Variants in BTBD2 observed in about 807,000 individuals in gnomAD.
BTBD2 encodes BTB/POZ domain-containing protein 2.
BTBD2 carries 15 observed loss-of-function variants against 44.0 expected under a neutral mutation model. The observed-to-expected ratio is 0.34, with a 90% CI of 0.23 to 0.53. The LOEUF (loss-of-function observed/expected upper bound fraction) is 0.53. BTBD2 is among the 20% of genes least tolerant of loss of function. The probability of loss-of-function intolerance (pLI) is 0.95; values close to 1 mark genes in which losing one functional copy is unlikely to be tolerated. For missense variants in BTBD2, 657 were observed against 746.4 expected (o/e 0.88, Z 1.39); for synonymous variants, 443 against 335.9 (o/e 1.32, Z -3.49).
At chr19:1,997,292 G>A (rs912601773) in intron 2 of BTBD2, 52 bp downstream of exon 2, 20 of 1,611,114 alleles carry the variant, frequency 1.2e-5, no homozygotes, top group African/African-American at 4.0e-5. Context: ...CGTTCTCTGA[G>A]GTCCCCCTCC....
intron 4 of BTBD2, chr19:1,990,458 CAA>C (rs1259680983): frequency 1.6e-6 from 1 of 610,476 alleles, no homozygotes; most frequent in East Asian, 2.8e-5. Context: ...TGTTCAACAG[CAA>C]AGTCAAAGCC....
chr19:1,987,602 A>T lies in BTBD2; in HGVS notation c.1079T>A (p.Ile360Asn). The change falls in exon 6 of 9, where the codon ATT becomes AAT. Residue 360 changes from isoleucine (I) to asparagine (N), a missense_variant. Transcript: ENST00000255608. ...TVNPKPRVEF[I>N]DRPRCCLRGK... is the part of the protein sequence containing the mutation. ...ACGCAGGCAGCAGCGGGGCCGGTCA[A>T]TGAACTCCACTCGTGGCTTGGGGTT... The T allele has an allele frequency of 6.2e-7, 1 of 1,612,776 alleles. No homozygotes were observed. The highest frequency in any genetic ancestry group is 1.1e-5 in the South Asian group (1 of 90,990).
chr19:1,990,509 G>A, intron 4 of BTBD2: 1 of 616,162 alleles, frequency 1.6e-6, no homozygotes, highest in South Asian at 2.0e-5. Context: ...CATCAGCTGG[G>A]ATGGTGGGCT....
chr19:2,006,270 C>G (rs35180712), intron 1 of BTBD2, among the ~76,000 whole-genome samples: 30,586 of 152,040 alleles, frequency 0.2, 3,473 homozygotes, highest in East Asian at 0.3. Flanking sequence ...GGACAGCACA[C>G]ATCCAAACCA....
intron 3 of BTBD2, among the ~76,000 whole-genome samples, chr19:1,991,515 C>T (rs1404145006): frequency 6.6e-6 from 1 of 152,194 alleles, no homozygotes; most frequent in East Asian, 1.9e-4. Context: ...GAGCTCCAGC[C>T]TCCTCTCAGC....
intron 1 of BTBD2, among the ~76,000 whole-genome samples, chr19:2,001,558 G>A (rs954195775): frequency 2.0e-5 from 3 of 152,194 alleles, no homozygotes; most frequent in Non-Finnish European, 4.4e-5. Flanking sequence ...CAATGATTCC[G>A]TGATGTAATC....
chr19:2,008,834 G>T (rs1017472906), intron 1 of BTBD2, among the ~76,000 whole-genome samples: 6 of 151,540 alleles, frequency 4.0e-5, no homozygotes, highest in African/African-American at 1.2e-4. Flanking sequence ...GCCTCCCAAA[G>T]TGCTGGGATT....
rs564909994 is a variant in BTBD2 at position 1,997,531 on chromosome 19, C to T, written c.408-68G>A. The T allele has an allele frequency of 2.5e-4, 393 of 1,596,770 alleles. 3 individuals are homozygous for T. The African/African-American group carries it at 4.5e-3, about 18-fold the overall frequency. On this transcript the variant is annotated intron_variant, in intron 1 of 8. Coordinates refer to ENST00000255608, the MANE Select transcript of BTBD2 (RefSeq NM_017797.4). Reference sequence around the variant, plus strand: ...CACCCCACGGCCGGGAGGGCCAGCCCGGTATCCTGGGTGACCACCCCACTA... The same window carrying T: ...CACCCCACGGCCGGGAGGGCCAGCCTGGTATCCTGGGTGACCACCCCACTA...
At chr19:1,989,174 G>T (rs753853801) in intron 5 of BTBD2, among the ~76,000 whole-genome samples, 36 of 152,280 alleles carry the variant, frequency 2.4e-4, no homozygotes, top group South Asian at 1.2e-3. Context: ...TGGGAGGATG[G>T]CTGGAGCCCA....
intron 2 of BTBD2, 134 bp downstream of exon 2, chr19:1,997,210 C>A (rs1389042926): frequency 3.0e-6 from 4 of 1,347,452 alleles, no homozygotes. Context: ...CTCTGGAACC[C>A]CTCATTGCAC....
chr19:2,014,895 G>A (rs2016513086), intron 1 of BTBD2, among the ~76,000 whole-genome samples: 1 of 151,558 alleles, frequency 6.6e-6, no homozygotes, highest in South Asian at 2.1e-4. Context: ...GGGGATGGAG[G>A]GGTGCAGAGG....
chr19:2,004,288 CTTT>C (rs60580646), intron 1 of BTBD2, among the ~76,000 whole-genome samples: 16 of 133,450 alleles, frequency 1.2e-4, no homozygotes, highest in Non-Finnish European at 9.6e-5. Context: ...GCAAAACAAA[CTTT>C]TTTTTTTTTT....
chr19:1,987,376 G>A, intron 6 of BTBD2, 123 bp from the exon 7 acceptor site: 1 of 1,400,516 alleles, frequency 7.1e-7, no homozygotes, highest in Non-Finnish European at 9.5e-7. Flanking sequence ...CCCATGCCCG[G>A]CGGCCCCCCC....
chr19:1,993,291 G>A (rs913368677), intron 2 of BTBD2, 115 bp from the exon 3 acceptor site: 2 of 1,394,530 alleles, frequency 1.4e-6, no homozygotes, highest in Non-Finnish European at 1.9e-6. Flanking sequence ...GAGCTGGCAG[G>A]ACCCAAACAC....
At chr19:2,008,589 C>CTTTTTTTTTTTTTTTTTTTT (rs34228593) in intron 1 of BTBD2, among the ~76,000 whole-genome samples, 4 of 126,576 alleles carry the variant, frequency 3.2e-5, no homozygotes, top group East Asian at 2.3e-4. Flanking sequence ...CTGTGCCCAG[C>CTTTTTTTTTTTTTTTTTTTT]TTTTTTTTTT....
At chr19:1,989,040 G>C (rs2016134823) in intron 5 of BTBD2, among the ~76,000 whole-genome samples, 1 of 152,050 alleles carries the variant, frequency 6.6e-6, no homozygotes, top group African/African-American at 2.4e-5. Context: ...AGCCTCCCGG[G>C]TAGCTGGGAT....
chr19:1,986,979 G>A lies in BTBD2; in HGVS notation c.1270-3C>T. On this transcript the variant is annotated splice_region_variant and splice_polypyrimidine_tract_variant and intron_variant, in intron 7 of 8. Coordinates refer to ENST00000255608, the MANE Select transcript of BTBD2 (RefSeq NM_017797.4). ...GTGTTGCTATCGGTGTGAATAATCT[G>A]CGGGGAGGTGGGAAGTGGGAGGCTC... The A allele has an allele frequency of 6.2e-7, 1 of 1,610,628 alleles. No individual in the cohort carries two copies. The highest frequency in any genetic ancestry group is 8.5e-7 in the Non-Finnish European group (1 of 1,178,110).
intron 1 of BTBD2, among the ~76,000 whole-genome samples, chr19:2,004,006 C>T (rs555645431): frequency 2.0e-5 from 3 of 152,012 alleles, no homozygotes; most frequent in East Asian, 1.9e-4. Context: ...GCCATCCCTC[C>T]GCTCACCGAG....
chr19:1,990,435 C>G (rs2016159197), intron 4 of BTBD2: 3 of 617,824 alleles, frequency 4.9e-6, no homozygotes, highest in Non-Finnish European at 8.5e-6. Flanking sequence ...ACTTGAGTAG[C>G]TTTGACAAAA....
Sources: allele counts gnomAD v4.1 joint callset (sites outside exome capture counted in the v4.1 genomes callset), GRCh38; gene constraint gnomAD v4.1.1; transcripts MANE v1.5; gene names NCBI Gene and HGNC (gene_info 2026-07-23, HGNC 2026-07-21).